FBXL2: variants seen among roughly 807,000 people sequenced by gnomAD.
The protein encoded by FBXL2 is F-box/LRR-repeat protein 2.
FBXL2 carries 38 observed loss-of-function variants against 69.2 expected under a neutral mutation model. That is an observed-to-expected ratio of 0.55 (90% confidence interval 0.42 to 0.72). The LOEUF (loss-of-function observed/expected upper bound fraction) is 0.72, where lower values mean the gene tolerates loss of function less well. Ranked by LOEUF, FBXL2 falls within the 30% of genes least tolerant of loss-of-function variation. The pLI is 0.00. For synonymous variants in FBXL2, 192 were observed against 201.3 expected (o/e 0.95, Z 0.39); for missense variants, 354 against 520.3 (o/e 0.68, Z 3.11).
chr3:33,358,328 G>A (rs1341336997), intron 2 of FBXL2, among the ~76,000 whole-genome samples: 1 of 152,182 alleles, frequency 6.6e-6, no homozygotes, highest in Non-Finnish European at 1.5e-5. Flanking sequence ...CCAGAATGTC[G>A]AGGCTTCACT....
intron 2 of FBXL2, among the ~76,000 whole-genome samples, chr3:33,310,720 A>C (rs1333076055): frequency 6.6e-6 from 1 of 152,000 alleles, no homozygotes; most frequent in Non-Finnish European, 1.5e-5. Flanking sequence ...TCTGAAGGAC[A>C]GCTTTGCCTG....
the FBXL2 span, among the ~76,000 whole-genome samples, chr3:33,421,359 A>G: frequency 1.3e-5 from 2 of 151,750 alleles, no homozygotes; most frequent in African/African-American, 4.8e-5. Flanking sequence ...TGCAACCTCC[A>G]CCTCCCAGGT....
chr3:33,375,320 C>T lies in FBXL2; in HGVS notation c.690C>T (p.Cys230=). ...RITDEGVVQI[C]RGCHRLQALC... ...CGGATGAAGGTGTGGTGCAGATATG[C>T]AGGGGCTGTCACCGGCTACAGGCTC... Residue 230 remains cysteine, a synonymous_variant, in exon 10 of 15, where the codon TGC becomes TGT. Coordinates refer to ENST00000484457, the MANE Select transcript of FBXL2 (RefSeq NM_012157.5). The T allele has an allele frequency of 1.2e-6, 2 of 1,614,218 alleles. No individual in the cohort carries two copies. Among genetic ancestry groups the T allele is most frequent in the Non-Finnish European group, 1.7e-6 (2 of 1,180,022 alleles).
chr3:33,421,490 G>C, the FBXL2 span, among the ~76,000 whole-genome samples: 6 of 152,076 alleles, frequency 3.9e-5, no homozygotes, highest in Non-Finnish European at 8.8e-5. Context: ...GGCTGGTCTC[G>C]AACTCTTAAC....
At chr3:33,360,555 A>T (rs2041539304) in intron 4 of FBXL2, among the ~76,000 whole-genome samples, 1 of 152,192 alleles carries the variant, frequency 6.6e-6, no homozygotes, top group African/African-American at 2.4e-5. Context: ...TCCTGGAAAG[A>T]TAAGCTCTAG....
At chr3:33,300,395 T>C (rs2036162804) in intron 2 of FBXL2, 4 of 152,358 alleles carry the variant, frequency 2.6e-5, no homozygotes, top group Admixed American at 2.0e-4. Context: ...TTGTCATCAC[T>C]ACTTATAGCT....
intron 5 of FBXL2, among the ~76,000 whole-genome samples, chr3:33,369,352 G>A (rs900197800): frequency 1.3e-5 from 2 of 151,614 alleles, no homozygotes; most frequent in East Asian, 3.9e-4. Flanking sequence ...ATGCCTGGCC[G>A]AGATTAAGTG....
At chr3:33,364,742 C>T (rs1452469697) in intron 5 of FBXL2, 23 bp downstream of exon 5, 1 of 1,576,830 alleles carries the variant, frequency 6.3e-7, no homozygotes, top group South Asian at 1.1e-5. Flanking sequence ...CAGTGACTCA[C>T]TGTCATGGCA....
chr3:33,390,636 G>A, downstream of FBXL2: 1 of 515,852 alleles, frequency 1.9e-6, no homozygotes, highest in South Asian at 2.2e-5. Flanking sequence ...GGGGTAGGGG[G>A]ACATCTATCA....
chr3:33,297,532 C>T, intron 1 of FBXL2, 132 bp from the exon 2 acceptor site: 3 of 594,052 alleles, frequency 5.1e-6, no homozygotes, highest in Non-Finnish European at 9.0e-6. Context: ...ATGGTGGCTG[C>T]ATGAAATTAG....
intron 2 of FBXL2, among the ~76,000 whole-genome samples, chr3:33,335,119 T>G (rs6795243): frequency 0.68 from 100,946 of 148,846 alleles, 34,501 homozygotes; most frequent in East Asian, 0.77. Context: ...ATAATAATAA[T>G]AAGAAGAAGA....
downstream of FBXL2, chr3:33,390,465 A>G (rs1004516295): frequency 3.2e-6 from 4 of 1,257,184 alleles, no homozygotes; most frequent in African/African-American, 6.0e-5. Context: ...TCCCTTCCCA[A>G]TTCAGAGGTT....
upstream of FBXL2, chr3:33,277,065 G>A (rs1215084527): frequency 1.2e-5 from 2 of 162,616 alleles, no homozygotes; most frequent in African/African-American, 2.4e-5. Flanking sequence ...AGATAGAATG[G>A]AATCTGAGCA....
At chr3:33,284,006 G>T (rs1328906940) in intron 1 of FBXL2, among the ~76,000 whole-genome samples, 1 of 152,088 alleles carries the variant, frequency 6.6e-6, no homozygotes, top group African/African-American at 2.4e-5. Flanking sequence ...CCGACTCCTG[G>T]ATTCTTTGAT....
At chr3:33,377,492 G>C (rs2042720300) in intron 11 of FBXL2, among the ~76,000 whole-genome samples, 159 bp downstream of exon 11, 1 of 152,152 alleles carries the variant, frequency 6.6e-6, no homozygotes, top group African/African-American at 2.4e-5. Flanking sequence ...TTTCCAGTTA[G>C]CCAGAAATCT....
chr3:33,340,301 C>T (rs1037343843), intron 2 of FBXL2, among the ~76,000 whole-genome samples: 1 of 151,842 alleles, frequency 6.6e-6, no homozygotes, highest in Non-Finnish European at 1.5e-5. Context: ...TTTGTGGGGG[C>T]GTATTTTAGA....
At position 33,375,426 on chromosome 3, in the gene FBXL2, C is replaced by T. The variant is rs773396718; in HGVS notation, c.788+8C>T. 3 of 1,611,082 alleles carry T rather than the reference C, an allele frequency of 1.9e-6. No individual in the cohort carries two copies. The highest frequency in any genetic ancestry group is 1.1e-5 in the South Asian group (1 of 90,972). On this transcript the variant is annotated splice_region_variant and intron_variant, in intron 10 of 14. Transcript: ENST00000484457. ...GAACTGTCCGCGACTGCAGTGAGTA[C>T]ACTGCACTTTTTGCTTTGCAGCTCA... is the stretch of plus-strand genomic sequence containing the variant.
intron 2 of FBXL2, among the ~76,000 whole-genome samples, chr3:33,302,017 C>A (rs1201913842): frequency 6.6e-6 from 1 of 152,058 alleles, no homozygotes; most frequent in East Asian, 1.9e-4. Context: ...GAGTACCTGG[C>A]ATGTAAGTAT....
intron 1 of FBXL2, among the ~76,000 whole-genome samples, chr3:33,286,711 G>A (rs1484750389): frequency 6.6e-6 from 1 of 152,208 alleles, no homozygotes; most frequent in Non-Finnish European, 1.5e-5. Context: ...CGGCTGCTTT[G>A]TTTACCTACT....
Sources: allele counts gnomAD v4.1 joint callset (sites outside exome capture counted in the v4.1 genomes callset), GRCh38; gene constraint gnomAD v4.1.1; transcripts MANE v1.5; gene names NCBI Gene and HGNC (gene_info 2026-07-23, HGNC 2026-07-21).